Variants in JAM2 observed in about 807,000 individuals in gnomAD.
JAM2 encodes the protein junctional adhesion molecule B.
A neutral mutation model predicts 42.0 loss-of-function variants in JAM2; 17 were observed. The ratio of observed to expected loss-of-function variants is 0.40; its 90% CI spans 0.28 to 0.61. The LOEUF (loss-of-function observed/expected upper bound fraction) is 0.61, where lower values mean the gene tolerates loss of function less well. JAM2 is among the 20% of genes least tolerant of loss of function. The pLI, the probability that JAM2 is intolerant of heterozygous loss-of-function variation, is 0.37. For synonymous variants in JAM2, 118 were observed against 128.6 expected (o/e 0.92, Z 0.56); for missense variants, 319 against 358.3 (o/e 0.89, Z 0.89).
At chr21:25,703,749 T>C (rs1370713780) in intron 6 of JAM2, among the ~76,000 whole-genome samples, 1 of 135,744 alleles carries the variant, frequency 7.4e-6, no homozygotes, top group African/African-American at 2.8e-5. Context: ...GTACCTTCCT[T>C]TTATAAAGAC....
At chr21:25,694,068 T>C (rs2033943493) in intron 4 of JAM2, among the ~76,000 whole-genome samples, 160 bp downstream of exon 4, 1 of 152,222 alleles carries the variant, frequency 6.6e-6, no homozygotes, top group Non-Finnish European at 1.5e-5. Flanking sequence ...GGCAATCTCC[T>C]GGCCATTTCT....
intron 6 of JAM2, among the ~76,000 whole-genome samples, chr21:25,703,833 T>C (rs1371848932): frequency 1.3e-5 from 2 of 151,312 alleles, no homozygotes; most frequent in African/African-American, 2.4e-5. Flanking sequence ...TGAGGCATAA[T>C]ATGGCTGTAT....
At chr21:25,657,399 T>C (rs1387686290) in intron 1 of JAM2, among the ~76,000 whole-genome samples, 3 of 152,238 alleles carry the variant, frequency 2.0e-5, no homozygotes, top group Admixed American at 2.0e-4. Context: ...ACAGGGTTGG[T>C]GGACAGAATC....
chr21:25,706,357 T>C (rs968900687), intron 7 of JAM2, among the ~76,000 whole-genome samples: 2 of 152,114 alleles, frequency 1.3e-5, no homozygotes, highest in African/African-American at 4.8e-5. Flanking sequence ...CATCTTTGTA[T>C]TTTTAGTACA....
chr21:25,671,268 T>A (rs1004741044), intron 1 of JAM2, among the ~76,000 whole-genome samples: 1 of 150,118 alleles, frequency 6.7e-6, no homozygotes, highest in African/African-American at 2.4e-5. Context: ...TTATGTGGAG[T>A]GGGATATTAG....
chr21:25,689,564 G>A (rs1161605924), intron 2 of JAM2, among the ~76,000 whole-genome samples: 2 of 152,202 alleles, frequency 1.3e-5, no homozygotes, highest in African/African-American at 4.8e-5. Context: ...GTCCAAGCCT[G>A]TGTGCTTTGC....
At chr21:25,653,680 G>A (rs983469576) in intron 1 of JAM2, among the ~76,000 whole-genome samples, 1 of 152,176 alleles carries the variant, frequency 6.6e-6, no homozygotes, top group African/African-American at 2.4e-5. Context: ...CACCATGATT[G>A]TTACCTCTAT....
At chr21:25,702,111 TA>T in intron 5 of JAM2, 58 bp from the exon 6 acceptor site, 3 of 894,138 alleles carry the variant, frequency 3.4e-6, no homozygotes, top group South Asian at 2.3e-5. Context: ...CAGGGTTATT[TA>T]AAAAGTCTAC....
intron 1 of JAM2, among the ~76,000 whole-genome samples, chr21:25,663,369 C>T (rs1343366290): frequency 6.6e-6 from 1 of 152,176 alleles, no homozygotes; most frequent in African/African-American, 2.4e-5. Context: ...AACTTGTCCA[C>T]ATCTATATTC....
chr21:25,643,178 A>G (rs2032496480), intron 1 of JAM2, among the ~76,000 whole-genome samples: 1 of 152,224 alleles, frequency 6.6e-6, no homozygotes, highest in Non-Finnish European at 1.5e-5. Flanking sequence ...TATAGATTGA[A>G]CTGATTGCAA....
chr21:25,642,641 T>C (rs2032478584), intron 1 of JAM2, among the ~76,000 whole-genome samples: 3 of 152,196 alleles, frequency 2.0e-5, no homozygotes, highest in Admixed American at 1.3e-4. Flanking sequence ...GTATCCCTGT[T>C]GATATATGGA....
chr21:25,717,562 A>G lies in JAM2; in HGVS notation c.*2890A>G, dbSNP rs2034500356. 7.2e-7 allele frequency: 1 copy of G among 1,394,064 alleles called. No homozygotes were observed. Among genetic ancestry groups the G allele is most frequent in the Non-Finnish European group, 9.4e-7 (1 of 1,062,374 alleles). The allele number at this position is 1,394,064 out of a possible 1,614,324, so 86.4% of individuals were successfully genotyped here. On this transcript the variant is annotated 3_prime_UTR_variant, in exon 10 of 10. Coordinates refer to ENST00000480456, the MANE Select transcript of JAM2 (RefSeq NM_021219.4). Reference sequence around the variant, plus strand: ...GATTAAAGTCTACACTAATAAAAATAGCTGAACTTGTTAAACTTTTTAGCC... The same window carrying G: ...GATTAAAGTCTACACTAATAAAAATGGCTGAACTTGTTAAACTTTTTAGCC...
intron 9 of JAM2, chr21:25,714,322 T>C: frequency 1.5e-6 from 1 of 669,166 alleles, no homozygotes. Context: ...CTGGCCAATA[T>C]GGTGAAACCC....
intron 1 of JAM2, among the ~76,000 whole-genome samples, chr21:25,664,143 T>G (rs1396228942): frequency 6.6e-6 from 1 of 152,230 alleles, no homozygotes; most frequent in Non-Finnish European, 1.5e-5. Flanking sequence ...CATTGCCTGT[T>G]TCCCATGCCA....
In JAM2 at chr21:25,715,218, CTT is replaced by C. The variant is rs1309890489; in HGVS notation, c.*548_*549del. Reference sequence around the variant, plus strand: ...TGGGTCTTATGCCCAAGGATTTGCACTTTGTGTTTACTTCCATTCCTGGGAAC... The same window carrying C: ...TGGGTCTTATGCCCAAGGATTTGCACTGTGTTTACTTCCATTCCTGGGAAC... On this transcript the variant is annotated 3_prime_UTR_variant, in exon 10 of 10. Coordinates refer to ENST00000480456, the MANE Select transcript of JAM2 (RefSeq NM_021219.4). 6.6e-6 allele frequency: 1 copy of C among 152,332 alleles called. No individual in the cohort carries two copies. The highest frequency in any genetic ancestry group is 2.4e-5 in the African/African-American group (1 of 41,452). The allele number at this position is 152,332 out of a possible 1,614,324, so 9.4% of individuals were successfully genotyped here.
intron 1 of JAM2, among the ~76,000 whole-genome samples, chr21:25,674,440 G>A (rs2033436170): frequency 6.6e-6 from 1 of 152,102 alleles, no homozygotes; most frequent in African/African-American, 2.4e-5. Context: ...AAATTGCCCA[G>A]TCTCAGCAGT....
At chr21:25,680,152 G>A (rs2033595518) in intron 1 of JAM2, among the ~76,000 whole-genome samples, 1 of 152,130 alleles carries the variant, frequency 6.6e-6, no homozygotes, top group Admixed American at 6.5e-5. Context: ...TTCCTTCTCT[G>A]TACTCTAAGT....
chr21:25,653,304 C>A (rs916033805), intron 1 of JAM2, among the ~76,000 whole-genome samples: 2 of 152,178 alleles, frequency 1.3e-5, no homozygotes, highest in Non-Finnish European at 2.9e-5. Flanking sequence ...AAATACCATT[C>A]CACACTAACA....
Position 25,702,277 on chromosome 21 carries a change from T to A in JAM2, c.697+8T>A. On this transcript the variant is annotated splice_region_variant and intron_variant, in intron 6 of 9. Transcript: ENST00000480456. ...GGAAACGAATGCAAGTAGGTAAGCATGAAATATTGGGAGGAACAAATGGTT... is the reference window on the plus strand; with the variant it reads ...GGAAACGAATGCAAGTAGGTAAGCAAGAAATATTGGGAGGAACAAATGGTT... 6.4e-7 allele frequency: 1 copy of A among 1,560,914 alleles called. No individual in the cohort carries two copies. The highest frequency in any genetic ancestry group is 8.8e-7 in the Non-Finnish European group (1 of 1,136,870).
Sources: allele counts gnomAD v4.1 joint callset (sites outside exome capture counted in the v4.1 genomes callset), GRCh38; gene constraint gnomAD v4.1.1; transcripts MANE v1.5; gene names NCBI Gene and HGNC (gene_info 2026-07-23, HGNC 2026-07-21).